SERINC4: variants seen among roughly 807,000 people sequenced by gnomAD.
The protein encoded by SERINC4 is serine incorporator 4.
In SERINC4, 52 loss-of-function variants were observed where a neutral mutation model predicts 52.0. The observed-to-expected ratio is 1.00, with a 90% CI of 0.80 to 1.26. The LOEUF is 1.26. SERINC4 is among the 50% of genes most tolerant of loss of function. The pLI is 0.00. For synonymous variants in SERINC4, 264 were observed against 247.7 expected (o/e 1.07, Z -0.62); for missense variants, 723 against 632.8 (o/e 1.14, Z -1.53).
Position 43,794,824 on chromosome 15 carries a change from C to T in SERINC4, c.*176G>A, listed in dbSNP as rs1196100648. On this transcript the variant is annotated 3_prime_UTR_variant, in exon 12 of 12. Coordinates refer to ENST00000319327, the MANE Select transcript of SERINC4 (RefSeq NM_001258031.2). The stretch of plus-strand genomic sequence containing the variant: ...AACAGTAGCTCCAGTGAGTCAGACA[C>T]TCTGCCCAGCACATTAGACTGTGTT... 1 of 588,500 alleles carries T rather than the reference C, an allele frequency of 1.7e-6. No individual in the cohort carries two copies. Among genetic ancestry groups the T allele is most frequent in the African/African-American group, 1.8e-5 (1 of 54,076 alleles). The allele number at this position is 588,500 out of a possible 1,614,324, so 36.5% of individuals were successfully genotyped here. A position where few individuals can be genotyped will look rare whatever the true frequency, so the allele number is the denominator to read the frequency against.
chr15:43,800,117 G>A lies in SERINC4; in HGVS notation c.-131C>T. Reference sequence around the variant, plus strand: ...ACCCGGTCCCGGGCAGAATGGAGACGTCCGGAAGAGAACACTGACCTCCAG... The same window carrying A: ...ACCCGGTCCCGGGCAGAATGGAGACATCCGGAAGAGAACACTGACCTCCAG... On this transcript the variant is annotated 5_prime_UTR_variant, in exon 1 of 12. The change creates a new upstream start codon in the 5' untranslated region. Coordinates refer to ENST00000319327, the MANE Select transcript of SERINC4 (RefSeq NM_001258031.2). The A allele has an allele frequency of 3.0e-6, 2 of 663,916 alleles. No individual in the cohort carries two copies. The highest frequency in any genetic ancestry group is 2.0e-5 in the South Asian group (1 of 50,684). The allele number at this position is 663,916 out of a possible 1,614,324, so 41.1% of individuals were successfully genotyped here.
intron 5 of SERINC4, chr15:43,797,704 T>C (rs2087241858): frequency 1.8e-6 from 1 of 557,586 alleles, no homozygotes; most frequent in Non-Finnish European, 3.2e-6. Context: ...GCTCCAACTC[T>C]TTTACCCATT....
In SERINC4 at chr15:43,794,441, G is replaced by C; in HGVS notation, c.*559C>G. ...CACCGACTTCCCGTGGTCAGCTGCT[G>C]TCAAGCGTTCACTTTCTCTTCTGTC... On this transcript the variant is annotated 3_prime_UTR_variant, in exon 12 of 12. Transcript: ENST00000319327. 1 of 162,784 alleles carries C rather than the reference G, an allele frequency of 6.1e-6. No individual in the cohort carries two copies. The highest frequency in any genetic ancestry group is 5.1e-4 in the Middle Eastern group (1 of 1,950). The allele number at this position is 162,784 out of a possible 1,614,324, so 10.1% of individuals were successfully genotyped here. A position where few individuals can be genotyped will look rare whatever the true frequency, so the allele number is the denominator to read the frequency against.
In SERINC4 at chr15:43,795,702, A is replaced by C; in HGVS notation, c.1175T>G (p.Val392Gly). ...TTGGCACTCACCTTTGTCTGCCTCCACTGTTTCAGGGCAGCAGAAACACAG... is the reference window on the plus strand; with the variant it reads ...TTGGCACTCACCTTTGTCTGCCTCCCCTGTTTCAGGGCAGCAGAAACACAG... ...PSLCFCCPET[V>G]EADKGQRGGA... The change falls in exon 10 of 12, where the codon GTG (valine) becomes GGG (glycine). Residue 392 changes from valine to glycine, a missense_variant. By Grantham distance (109) the Val-to-Gly change is moderately radical. Transcript: ENST00000319327. 6.2e-7 allele frequency: 1 copy of C among 1,614,080 alleles called. No individual in the cohort carries two copies. The highest frequency in any genetic ancestry group is 1.1e-5 in the South Asian group (1 of 91,072).
At position 43,800,130 on chromosome 15, in the gene SERINC4, C is replaced by T; in HGVS notation, c.-144G>A. On this transcript the variant is annotated 5_prime_UTR_variant, in exon 1 of 12. Transcript: ENST00000319327. ...CAGAATGGAGACGTCCGGAAGAGAA[C>T]ACTGACCTCCAGGTTGCGGTAAATG... The T allele has an allele frequency of 3.2e-6, 2 of 626,118 alleles. No homozygotes were observed. The highest frequency in any genetic ancestry group is 5.5e-6 in the Non-Finnish European group (2 of 365,460). The allele number at this position is 626,118 out of a possible 1,614,324, so 38.8% of individuals were successfully genotyped here.
intron 1 of SERINC4, 32 bp downstream of exon 1, chr15:43,799,853 C>T (rs1262379572): frequency 8.8e-6 from 13 of 1,474,828 alleles, no homozygotes; most frequent in African/African-American, 1.4e-5. Context: ...TCCTCCCCAG[C>T]TTCGGCCACT....
chr15:43,798,309 A>T, intron 4 of SERINC4, 116 bp downstream of exon 4: 1 of 834,834 alleles, frequency 1.2e-6, no homozygotes. Flanking sequence ...TCAGCCTCCC[A>T]AAGTGCTGGG....
chr15:43,798,900 C>G, intron 3 of SERINC4, 59 bp downstream of exon 3: 1 of 1,513,504 alleles, frequency 6.6e-7, no homozygotes, highest in Non-Finnish European at 9.0e-7. Flanking sequence ...TTTCCTTTAC[C>G]CAGCCTATGT....
chr15:43,796,712 C>T lies in SERINC4; in HGVS notation c.971G>A (p.Cys324Tyr). ...VILQGQNHTL[C>Y]LPGLSKMEPQ... ...TTCCATTTTACTCAGGCCAGGCAGGCACAGGGTGTGATTCTGTCCTTGAAG... is the reference window on the plus strand; with the variant it reads ...TTCCATTTTACTCAGGCCAGGCAGGTACAGGGTGTGATTCTGTCCTTGAAG... The change falls in exon 8 of 12, where the codon TGC becomes TAC. Residue 324 changes from cysteine (C) to tyrosine (Y), a missense_variant. Cys to Tyr is a radical substitution (Grantham distance 194). Coordinates refer to ENST00000319327, the MANE Select transcript of SERINC4 (RefSeq NM_001258031.2). 1 of 1,614,162 alleles carries T rather than the reference C, an allele frequency of 6.2e-7. No individual in the cohort carries two copies. Among genetic ancestry groups the T allele is most frequent in the Non-Finnish European group, 8.5e-7 (1 of 1,180,024 alleles).
chr15:43,798,852 T>TTTC (rs1212492645), intron 3 of SERINC4, 107 bp downstream of exon 3: 1 of 1,159,714 alleles, frequency 8.6e-7, no homozygotes, highest in African/African-American at 1.5e-5. Context: ...TTAAACCTGT[T>TTTC]TTCTGTCTTT....
chr15:43,795,740 C>T lies in SERINC4; in HGVS notation c.1141-4G>A, dbSNP rs2087199642. ...AGCAGAAACACAGTGAGGGCTTCTG[C>T]AAAACAGAACGCAGGTTTTGGAATG... On this transcript the variant is annotated splice_polypyrimidine_tract_variant and splice_region_variant and intron_variant, in intron 9 of 11. Coordinates refer to ENST00000319327, the MANE Select transcript of SERINC4 (RefSeq NM_001258031.2). 1 of 1,613,418 alleles carries T rather than the reference C, an allele frequency of 6.2e-7. No individual in the cohort carries two copies. Among genetic ancestry groups the T allele is most frequent in the Non-Finnish European group, 8.5e-7 (1 of 1,179,762 alleles).
chr15:43,795,369 A>G lies in SERINC4; in HGVS notation c.1343+19T>C. 3 of 1,613,748 alleles carry G rather than the reference A, an allele frequency of 1.9e-6. No homozygotes were observed. Among genetic ancestry groups the G allele is most frequent in the Non-Finnish European group, 2.5e-6 (3 of 1,179,642 alleles). ...TAGCTAGCTCTTCAGGAGAGTATCT[A>G]AGGCCCACTCCATCTTACCTGAACC... is the stretch of plus-strand genomic sequence containing the variant. On this transcript the variant is annotated intron_variant, in intron 11 of 11. Transcript: ENST00000319327.
intron 4 of SERINC4, 48 bp from the exon 5 acceptor site, chr15:43,798,061 T>C: frequency 6.9e-7 from 1 of 1,444,030 alleles, no homozygotes; most frequent in South Asian, 1.2e-5. Flanking sequence ...TACTTTTTTT[T>C]TTTTTTGAGA....
intron 3 of SERINC4, chr15:43,798,729 C>T (rs572796130): frequency 3.2e-6 from 2 of 626,068 alleles, no homozygotes; most frequent in Admixed American, 2.9e-5. Context: ...CAATGTTTTA[C>T]AGTTTATAAA....
In SERINC4 at chr15:43,796,918, T is replaced by G. The variant is rs766093578; in HGVS notation, c.867A>C (p.Leu289=). 2 of 1,613,940 alleles carry G rather than the reference T, an allele frequency of 1.2e-6. No individual in the cohort carries two copies. The highest frequency in any genetic ancestry group is 2.2e-5 in the East Asian group (1 of 44,868). The stretch of plus-strand genomic sequence containing the variant: ...TATAGCAGCTGATGACAGAAGCTTG[T>G]AGGAGGCCAGAGCGGGGTTGCTCTG... ...IRLKQPRSGL[L]QASVISCYIM... The change falls in exon 7 of 12, where the codon CTA becomes CTC. Residue 289 remains leucine, a synonymous_variant. Coordinates refer to ENST00000319327, the MANE Select transcript of SERINC4 (RefSeq NM_001258031.2).
At chr15:43,795,576 G>A in intron 10 of SERINC4, 35 bp from the exon 11 acceptor site, 1 of 1,613,526 alleles carries the variant, frequency 6.2e-7, no homozygotes, top group Non-Finnish European at 8.5e-7. Context: ...GAGCAGAGCT[G>A]CTGAAACACC....
At chr15:43,798,154 AT>A (rs2087250072) in intron 4 of SERINC4, 141 bp from the exon 5 acceptor site, 1 of 649,982 alleles carries the variant, frequency 1.5e-6, no homozygotes, top group Non-Finnish European at 2.7e-6. Flanking sequence ...GGTTCAAGTG[AT>A]TCTTCTGCCT....
chr15:43,795,769 T>A (rs1256020842), intron 9 of SERINC4, 33 bp from the exon 10 acceptor site: 1 of 1,606,656 alleles, frequency 6.2e-7, no homozygotes, highest in East Asian at 2.2e-5. Flanking sequence ...TGGAATGGTC[T>A]TAAAAGATGT....
intron 6 of SERINC4, 96 bp downstream of exon 6, chr15:43,797,049 G>T: frequency 6.9e-7 from 1 of 1,456,614 alleles, no homozygotes. Context: ...GGGAAGCAGA[G>T]ATTCTTTTAT....
Sources: gnomAD v4.1 joint callset for allele counts on GRCh38, gnomAD v4.1.1 for gene constraint, MANE v1.5 for transcripts, NCBI Gene and HGNC (gene_info 2026-07-23, HGNC 2026-07-21) for gene names.